The following SGCZ variants were observed in gnomAD, a reference collection of about 807,000 sequenced individuals.
SGCZ encodes the protein zeta-sarcoglycan.
A neutral mutation model predicts 41.3 loss-of-function variants in SGCZ; 40 were observed. That is an observed-to-expected ratio of 0.97 (90% CI 0.75 to 1.26). SGCZ has a LOEUF of 1.26. SGCZ is among the 50% of genes most tolerant of loss of function. SGCZ has a pLI of 0.00. For synonymous variants in SGCZ, 206 were observed against 137.5 expected, an observed-to-expected ratio of 1.50 and a Z score of -3.49; for missense variants, 552 against 369.8, an observed-to-expected ratio of 1.49 and a Z score of -4.04.
chr8:14,104,155 A>G (rs1467155675), intron 6 of SGCZ, among the ~76,000 whole-genome samples: 1 of 152,194 alleles, frequency 6.6e-6, no homozygotes. Flanking sequence ...ACCCAAGTTT[A>G]TTGGTACTAC....
chr8:14,976,359 A>C (rs1021081249), intron 1 of SGCZ, among the ~76,000 whole-genome samples: 1 of 152,130 alleles, frequency 6.6e-6, no homozygotes, highest in African/African-American at 2.4e-5. Flanking sequence ...TCAGGGCCAT[A>C]TGTGTGACAC....
chr8:14,567,287 G>A (rs1234767647), intron 1 of SGCZ, among the ~76,000 whole-genome samples: 1 of 152,216 alleles, frequency 6.6e-6, no homozygotes, highest in African/African-American at 2.4e-5. Flanking sequence ...ACTGGGTGAA[G>A]CCAGCTGAGC....
At chr8:14,776,188 G>A (rs924712480) in intron 1 of SGCZ, among the ~76,000 whole-genome samples, 1 of 152,144 alleles carries the variant, frequency 6.6e-6, no homozygotes, top group Non-Finnish European at 1.5e-5. Flanking sequence ...GATATGGTTT[G>A]ACTGTGTCTC....
chr8:14,653,966 T>C (rs1436333125), intron 1 of SGCZ, among the ~76,000 whole-genome samples: 17 of 152,166 alleles, frequency 1.1e-4, no homozygotes, highest in Non-Finnish European at 1.6e-4. Context: ...AAAATGCAGA[T>C]GACTATAAAC....
chr8:14,649,691 T>G (rs1807334662), intron 1 of SGCZ, among the ~76,000 whole-genome samples: 1 of 152,028 alleles, frequency 6.6e-6, no homozygotes, highest in Non-Finnish European at 1.5e-5. Context: ...CACGTAGATT[T>G]CCAATTCTAA....
intron 2 of SGCZ, among the ~76,000 whole-genome samples, chr8:14,332,895 G>A (rs1362761924): frequency 6.7e-6 from 1 of 148,722 alleles, no homozygotes; most frequent in Non-Finnish European, 1.5e-5. Context: ...TTATATGTGT[G>A]TCTATATATC....
At chr8:14,555,072 A>C (rs560405724) in intron 1 of SGCZ, 146 bp from the exon 2 acceptor site, 2 of 695,242 alleles carry the variant, frequency 2.9e-6, no homozygotes, top group Non-Finnish European at 4.5e-6. Flanking sequence ...TTGTGTAATT[A>C]AAATGTTATA....
chr8:14,475,899 C>T (rs535978494), intron 2 of SGCZ, among the ~76,000 whole-genome samples: 9 of 151,988 alleles, frequency 5.9e-5, no homozygotes, highest in Admixed American at 5.2e-4. Flanking sequence ...GCAGTGGTGT[C>T]ATCACAGCTC....
chr8:14,252,456 A>C (rs1020745708), intron 3 of SGCZ, among the ~76,000 whole-genome samples: 1 of 152,134 alleles, frequency 6.6e-6, no homozygotes, highest in Admixed American at 6.6e-5. Flanking sequence ...TACTGAAGTA[A>C]CTGAAAAATC....
intron 2 of SGCZ, among the ~76,000 whole-genome samples, chr8:14,429,882 C>A (rs73517434): frequency 0.018 from 2,801 of 152,060 alleles, 83 homozygotes; most frequent in African/African-American, 0.063. Context: ...CTGATATAAG[C>A]TAGGAAGTTT....
intron 2 of SGCZ, among the ~76,000 whole-genome samples, chr8:14,329,716 A>C (rs2117047772): frequency 6.6e-6 from 1 of 152,312 alleles, no homozygotes; most frequent in South Asian, 2.1e-4. Flanking sequence ...GGGAAATATT[A>C]TAAAACAGAC....
intron 1 of SGCZ, among the ~76,000 whole-genome samples, chr8:15,004,054 AT>A (rs1802516625): frequency 6.6e-6 from 1 of 152,092 alleles, no homozygotes; most frequent in African/African-American, 2.4e-5. Context: ...ATCACCCAAA[AT>A]GTGCATGCTA....
chr8:15,212,103 A>G (rs552917209), intron 1 of SGCZ, among the ~76,000 whole-genome samples: 1 of 151,574 alleles, frequency 6.6e-6, no homozygotes, highest in East Asian at 2.0e-4. Context: ...TACACTGACT[A>G]TGGGATCTCA....
chr8:14,462,871 AT>A (rs34744100), intron 2 of SGCZ, among the ~76,000 whole-genome samples: 17 of 150,600 alleles, frequency 1.1e-4, no homozygotes, highest in African/African-American at 3.9e-4. Flanking sequence ...TCTTTTAAGA[AT>A]TTTTTTTTGA....
chr8:14,924,899 C>G (rs372450558), intron 1 of SGCZ, among the ~76,000 whole-genome samples: 1 of 149,748 alleles, frequency 6.7e-6, no homozygotes, highest in South Asian at 2.1e-4. Context: ...ACTGTGTCAC[C>G]CAGGCTGGAG....
chr8:14,443,159 G>C (rs1047047352), intron 2 of SGCZ, among the ~76,000 whole-genome samples: 7 of 152,170 alleles, frequency 4.6e-5, no homozygotes, highest in African/African-American at 1.7e-4. Flanking sequence ...GGAAATAAAA[G>C]ACGATAGAAA....
chr8:14,885,793 G>A (rs1484110932), intron 1 of SGCZ, among the ~76,000 whole-genome samples: 1 of 151,416 alleles, frequency 6.6e-6, no homozygotes, highest in African/African-American at 2.4e-5. Context: ...AATCTTTGAG[G>A]GGTTTTGTTG....
intron 1 of SGCZ, among the ~76,000 whole-genome samples, chr8:14,901,548 G>A (rs1798968520): frequency 1.3e-5 from 2 of 152,224 alleles, no homozygotes; most frequent in South Asian, 2.1e-4. Context: ...TTTAAAGGAT[G>A]CTGTATCTGT....
At chr8:14,673,803 C>G (rs1462141837) in intron 1 of SGCZ, among the ~76,000 whole-genome samples, 1 of 152,050 alleles carries the variant, frequency 6.6e-6, no homozygotes, top group African/African-American at 2.4e-5. Flanking sequence ...GATGTAGATG[C>G]TACTCAATTA....
Sources: allele counts gnomAD v4.1 joint callset (sites outside exome capture counted in the v4.1 genomes callset), GRCh38; gene constraint gnomAD v4.1.1; transcripts MANE v1.5; gene names NCBI Gene and HGNC (gene_info 2026-07-23, HGNC 2026-07-21).